ZNF878: variants seen among roughly 807,000 people sequenced by gnomAD.
ZNF878 encodes zinc finger protein 878.
Under a neutral mutation model 11.1 loss-of-function variants are expected in ZNF878, and 10 were observed. The observed-to-expected ratio is 0.90, with a 90% confidence interval of 0.56 to 1.53. The LOEUF (loss-of-function observed/expected upper bound fraction) is 1.53. Among genes scored for constraint, ZNF878 ranks in the 40% most tolerant of loss-of-function variants. The probability of loss-of-function intolerance (pLI) is 0.00; values close to 1 mark genes in which losing one functional copy is unlikely to be tolerated. For synonymous variants in ZNF878, 165 were observed against 209.7 expected (o/e 0.79, Z 1.84); for missense variants, 548 against 626.1 (o/e 0.88, Z 1.33).
At position 12,045,344 on chromosome 19, in the gene ZNF878, G is replaced by A; in HGVS notation, c.192-135C>T. 5 of 779,872 alleles carry A rather than the reference G, an allele frequency of 6.4e-6. No individual in the cohort carries two copies. In the East Asian group the frequency reaches 1.4e-4, roughly 21 times the overall value. 48.3% of individuals were successfully genotyped at this position (779,872 alleles called of 1,614,324 possible). On this transcript the variant is annotated intron_variant, in intron 3 of 3. Transcript: ENST00000547628. ...CTGTCTGAACATGAATGGAACACATGCTATACAAGATGGCCTAGCCAGGCC... is the reference window on the plus strand; with the variant it reads ...CTGTCTGAACATGAATGGAACACATACTATACAAGATGGCCTAGCCAGGCC...
chr19:12,043,953 T>C lies in ZNF878; in HGVS notation c.1448A>G (p.Gln483Arg). Residue 483 changes from glutamine to arginine, a missense_variant, in exon 4 of 4, where the codon CAG becomes CGG. By Grantham distance (43) the Gln-to-Arg change is conservative (BLOSUM62 1). This residue lies in a region of ZNF878 where 335 missense variants were observed against 358.2 expected (regional missense o/e 0.94). Coordinates refer to ENST00000547628, the MANE Select transcript of ZNF878 (RefSeq NM_001080404.3). ...HTGEKPYKCK[Q>R]CGKAFISSNS... ...GGAAGAAATGAAGGCTTTCCCACAC[T>C]GTTTACATTTATAGGGTTTCTCTCC... is the stretch of plus-strand genomic sequence containing the variant. 1 of 1,610,866 alleles carries C rather than the reference T, an allele frequency of 6.2e-7. No homozygotes were observed. Among genetic ancestry groups the C allele is most frequent in the South Asian group, 1.1e-5 (1 of 90,814 alleles).
chr19:12,046,106 G>A, intron 3 of ZNF878: 1 of 407,716 alleles, frequency 2.5e-6, no homozygotes, highest in East Asian at 3.8e-5. Flanking sequence ...CTCACCCTGT[G>A]GCCCAGGCTG....
Position 12,044,635 on chromosome 19 carries a change from T to C in ZNF878, c.766A>G (p.Lys256Glu), listed in dbSNP as rs1376933366. 6.2e-7 allele frequency: 1 copy of C among 1,613,348 alleles called. No individual in the cohort carries two copies. The highest frequency in any genetic ancestry group is 1.7e-5 in the Admixed American group (1 of 59,950). ...AAGGCTTTATCACATTGCTTGCATT[T>C]ATAGCGTTTCTCTCCAGTGTGACTT... ...EKSHTGEKRY[K>E]CKQCDKAFNC... The change falls in exon 4 of 4, where the codon AAA (lysine) becomes GAA (glutamate). Residue 256 changes from lysine to glutamate, a missense_variant. Lys to Glu is a moderately conservative substitution (Grantham distance 56). Around this residue, in one of 3 missense-constraint regions of ZNF878, gnomAD observed 335 missense variants for 358.2 expected, o/e 0.94. Transcript: ENST00000547628.
rs1599390273 is a variant in ZNF878 at position 12,046,739 on chromosome 19, C to CA, written c.24dup (p.Val9CysfsTer45). ...TCCTCCTGGGTGAAGTTCACAGCCA[C>CA]ATCCTCAAAGGCCACCGAATCCTGA... On this transcript the variant is annotated frameshift_variant, in exon 2 of 4. Transcript: ENST00000547628. LOFTEE classifies it high-confidence loss of function. 2 of 1,614,048 alleles carry CA rather than the reference C, an allele frequency of 1.2e-6. No individual in the cohort carries two copies. The highest frequency in any genetic ancestry group is 1.7e-6 in the Non-Finnish European group (2 of 1,179,978).
rs568976525 is a variant in ZNF878, at chr19:12,043,975, C to G, written c.1426G>C (p.Glu476Gln). ...CACTGTTTACATTTATAGGGTTTCT[C>G]TCCAGTGTGAGTCCTTTTATGATAG... The part of the protein sequence containing the change: ...IRYHKRTHTG[E>Q]KPYKCKQCGK... The change falls in exon 4 of 4, where the codon GAG becomes CAG. Residue 476 changes from glutamate to glutamine, a missense_variant. Glu to Gln is a conservative substitution (Grantham distance 29). Transcript: ENST00000547628. 1.1e-5 allele frequency: 17 copies of G among 1,610,656 alleles called. No individual in the cohort carries two copies. The highest frequency in any genetic ancestry group is 1.3e-5 in the Non-Finnish European group (15 of 1,177,722).
chr19:12,051,734 C>T (rs1037079739), intron 1 of ZNF878, among the ~76,000 whole-genome samples: 1 of 152,130 alleles, frequency 6.6e-6, no homozygotes, highest in African/African-American at 2.4e-5. Context: ...ATGGTGAAAC[C>T]CGTTTCTACT....
At position 12,044,506 on chromosome 19, in the gene ZNF878, G is replaced by A. The variant is rs533783513; in HGVS notation, c.895C>T (p.Arg299Ter). 5.5e-5 allele frequency: 89 copies of A among 1,613,546 alleles called. 1 individual carries two copies. In the Admixed American group the frequency reaches 7.0e-4, roughly 13 times the overall value. The part of the protein sequence containing the change: ...RKAFRSVKYL[R>*]VHERKHTGEK... ...CCAGTGTGTTTTCTTTCATGTACTC[G>A]CAGGTACTTGACAGATCTGAAGGCT... The change falls in exon 4 of 4, where the codon CGA becomes TGA. Residue 299 changes from arginine (R) to a stop codon, truncating the protein, a stop_gained. Coordinates refer to ENST00000547628, the MANE Select transcript of ZNF878 (RefSeq NM_001080404.3). LOFTEE classifies it low-confidence loss of function (END_TRUNC).
chr19:12,049,823 C>T (rs1975533524), intron 1 of ZNF878, among the ~76,000 whole-genome samples: 1 of 152,012 alleles, frequency 6.6e-6, no homozygotes, highest in African/African-American at 2.4e-5. Flanking sequence ...CTTTGTGTGC[C>T]ATAGTTAGAT....
Position 12,044,290 on chromosome 19 carries a change from G to GT in ZNF878, c.1110dup (p.Gln371ThrfsTer16). The GT allele has an allele frequency of 6.2e-7, 1 of 1,613,946 alleles. No homozygotes were observed. ...GAAGAAGTGAAGGTTTTCCCACATT[G>GT]TTTACATTCAAAGGGTTTCTCTCCA... On this transcript the variant is annotated frameshift_variant, in exon 4 of 4. Transcript: ENST00000547628. LOFTEE classifies it low-confidence loss of function (END_TRUNC).
At chr19:12,052,736 G>T (rs1238017295) in intron 1 of ZNF878, 63 bp downstream of exon 1, 8 of 1,531,796 alleles carry the variant, frequency 5.2e-6, no homozygotes, top group African/African-American at 1.4e-5. Context: ...GCCACAGCGG[G>T]TTCCTCTCGG....
At chr19:12,046,201 G>A (rs919396419) in intron 3 of ZNF878, 167 bp downstream of exon 3, 1 of 588,988 alleles carries the variant, frequency 1.7e-6, no homozygotes, top group Non-Finnish European at 2.9e-6. Flanking sequence ...AAAAGGGCTG[G>A]ATTATACACA....
intron 1 of ZNF878, among the ~76,000 whole-genome samples, chr19:12,048,002 A>G (rs569304829): frequency 2.0e-5 from 3 of 152,216 alleles, no homozygotes; most frequent in Non-Finnish European, 4.4e-5. Context: ...TGACATTGTC[A>G]CCAAGGTCAA....
At position 12,052,934 on chromosome 19, in the gene ZNF878, C is replaced by T; in HGVS notation, c.-133G>A. Reference sequence around the variant, plus strand: ...CTCTCGGAGCAAGAAAGCCCCAGACCTTAACTAGCGCGAGCAGCCCTAGGA... The same window carrying T: ...CTCTCGGAGCAAGAAAGCCCCAGACTTTAACTAGCGCGAGCAGCCCTAGGA... On this transcript the variant is annotated 5_prime_UTR_variant, in exon 1 of 4. Transcript: ENST00000547628. 7.1e-7 allele frequency: 1 copy of T among 1,400,286 alleles called. No homozygotes were observed. The highest frequency in any genetic ancestry group is 9.6e-7 in the Non-Finnish European group (1 of 1,036,348). 86.7% of individuals were successfully genotyped at this position (1,400,286 alleles called of 1,614,324 possible).
chr19:12,044,561 C>T lies in ZNF878; in HGVS notation c.840G>A (p.Glu280=), dbSNP rs1487869191. The part of the protein sequence containing the change: ...FQYHERTHSG[E]KPYECTQCRK... ...TACATTGTGTACACTCATAGGGTTTCTCTCCACTGTGAGTCCTTTCATGAT... is the reference window on the plus strand; with the variant it reads ...TACATTGTGTACACTCATAGGGTTTTTCTCCACTGTGAGTCCTTTCATGAT... The change falls in exon 4 of 4, where the codon GAG becomes GAA. Residue 280 remains glutamate (E), a synonymous_variant. Transcript: ENST00000547628. The T allele has an allele frequency of 1.2e-6, 2 of 1,614,052 alleles. No individual in the cohort carries two copies. Among genetic ancestry groups the T allele is most frequent in the African/African-American group, 1.3e-5 (1 of 75,016 alleles).
At position 12,044,839 on chromosome 19, in the gene ZNF878, T is replaced by C; in HGVS notation, c.562A>G (p.Arg188Gly). 6.2e-7 allele frequency: 1 copy of C among 1,614,162 alleles called. No individual in the cohort carries two copies. Among genetic ancestry groups the C allele is most frequent in the Non-Finnish European group, 8.5e-7 (1 of 1,180,022 alleles). ...KAFSFPSSVR[R>G]HERIHSAKKP... ...TTTGCAGAGTGGATTCTTTCATGTC[T>C]ACGAACAGAACTGGGAAAACTGAAT... is the stretch of plus-strand genomic sequence containing the variant. The change falls in exon 4 of 4, where the codon AGA (arginine) becomes GGA (glycine). Residue 188 changes from arginine to glycine, a missense_variant. Around this residue, in one of 3 missense-constraint regions of ZNF878, gnomAD observed 53 missense variants for 94.6 expected, o/e 0.56. Coordinates refer to ENST00000547628, the MANE Select transcript of ZNF878 (RefSeq NM_001080404.3).
At chr19:12,052,005 C>T (rs1483482277) in intron 1 of ZNF878, among the ~76,000 whole-genome samples, 1 of 152,182 alleles carries the variant, frequency 6.6e-6, no homozygotes, top group Admixed American at 6.5e-5. Context: ...CTCCTTCCTA[C>T]AGCCTCCAAA....
In ZNF878 at chr19:12,043,987, T is replaced by C. The variant is rs557551099; in HGVS notation, c.1414A>G (p.Thr472Ala). 1.6e-5 allele frequency: 25 copies of C among 1,610,804 alleles called. No individual in the cohort carries two copies. In the Admixed American group the frequency reaches 4.2e-4, roughly 27 times the overall value. The stretch of plus-strand genomic sequence containing the variant: ...TTATAGGGTTTCTCTCCAGTGTGAG[T>C]CCTTTTATGATAGCGAATAGAATTA... ...SSNSIRYHKRTHTGEKPYKCK... is the reference protein window; with the variant it reads ...SSNSIRYHKRAHTGEKPYKCK... Residue 472 changes from threonine to alanine, a missense_variant, in exon 4 of 4, where the codon ACT becomes GCT. This residue lies in a region of ZNF878 where 335 missense variants were observed against 358.2 expected (regional missense o/e 0.94). Transcript: ENST00000547628.
In ZNF878 at chr19:12,051,658, G is replaced by A. The variant is rs575899152; in HGVS notation, c.3+1141C>T. ...GCAGTGGCTCACGCCTGTAATCCCA[G>A]TACCTTGGGAGGCCGAAGTGGGCGG... On this transcript the variant is annotated intron_variant, in intron 1 of 3. Coordinates refer to ENST00000547628, the MANE Select transcript of ZNF878 (RefSeq NM_001080404.3). Among the ~76,000 whole-genome samples, 13 of 152,292 alleles carry A rather than the reference G, an allele frequency of 8.5e-5. No homozygotes were observed. In the East Asian group the frequency reaches 2.3e-3, roughly 27 times the overall value.
At chr19:12,047,776 G>A (rs1975509185) in intron 1 of ZNF878, among the ~76,000 whole-genome samples, 1 of 152,078 alleles carries the variant, frequency 6.6e-6, no homozygotes, top group Admixed American at 6.6e-5. Context: ...TGATCAATAT[G>A]ATGAAACCCT....
Sources: gnomAD v4.1 joint callset for allele counts (sites outside exome capture counted in the v4.1 genomes callset) on GRCh38, gnomAD v4.1.1 for gene constraint, gnomAD v4.1.1 regional missense constraint, MANE v1.5 for transcripts, NCBI Gene and HGNC (gene_info 2026-07-23, HGNC 2026-07-21) for gene names.